Variants in CDKL1 observed in about 807,000 individuals in gnomAD.
CDKL1 encodes the protein cyclin-dependent kinase-like 1.
A neutral mutation model predicts 42.0 loss-of-function variants in CDKL1; 41 were observed. That is an observed-to-expected ratio of 0.98 (90% CI 0.76 to 1.27). The LOEUF is 1.27. Ranked by LOEUF, CDKL1 falls within the 50% of genes most tolerant of loss-of-function variation. The pLI is 0.00. For missense variants in CDKL1, 394 were observed against 428.4 expected (o/e 0.92, Z 0.71); for synonymous variants, 153 against 158.6 (o/e 0.96, Z 0.26).
At chr14:50,343,290 C>A (rs2033618322) in intron 4 of CDKL1, among the ~76,000 whole-genome samples, 1 of 151,540 alleles carries the variant, frequency 6.6e-6, no homozygotes. Flanking sequence ...CTTTGGCCTG[C>A]AGCCTGAAAC....
chr14:50,379,273 G>C (rs1852196322), intron 2 of CDKL1, among the ~76,000 whole-genome samples: 1 of 152,108 alleles, frequency 6.6e-6, no homozygotes, highest in African/African-American at 2.4e-5. Context: ...CTCAAGGAGG[G>C]GGAAATATTA....
At chr14:50,363,999 C>T (rs1436243713) in intron 2 of CDKL1, 5 of 152,388 alleles carry the variant, frequency 3.3e-5, no homozygotes, top group South Asian at 2.1e-4. Context: ...ATTCAGCTTC[C>T]TCTGCTCCAC....
intron 2 of CDKL1, chr14:50,377,672 C>G: frequency 1.5e-6 from 2 of 1,346,158 alleles, no homozygotes; most frequent in Non-Finnish European, 2.0e-6. Flanking sequence ...TGTAGCAACA[C>G]AGTCACTAAG....
chr14:50,336,074 T>A, intron 7 of CDKL1: 1 of 1,366,436 alleles, frequency 7.3e-7, no homozygotes. Flanking sequence ...GTGCCATTGC[T>A]ATATCATCGA....
At chr14:50,393,047 T>G (rs962011688) in intron 2 of CDKL1, among the ~76,000 whole-genome samples, 1 of 152,226 alleles carries the variant, frequency 6.6e-6, no homozygotes, top group African/African-American at 2.4e-5. Flanking sequence ...GCTAAGACAC[T>G]GGGTTATTAC....
chr14:50,381,643 G>A (rs1368845383), intron 2 of CDKL1, among the ~76,000 whole-genome samples: 2 of 152,188 alleles, frequency 1.3e-5, no homozygotes, highest in Non-Finnish European at 2.9e-5. Context: ...AATGAAAAAT[G>A]GCACTGACAC....
In CDKL1 at chr14:50,337,747, C is replaced by G. The variant is rs145385893; in HGVS notation, c.738+1200G>C. On this transcript the variant is annotated intron_variant, in intron 7 of 9. Transcript: ENST00000395834. Reference sequence around the variant, plus strand: ...GTCGCCCAGGCTAGAGTGCAGCGATCTCAGGTCACTGCGGCCTCAACTTCC... The same window carrying G: ...GTCGCCCAGGCTAGAGTGCAGCGATGTCAGGTCACTGCGGCCTCAACTTCC... Among the ~76,000 whole-genome samples the G allele has an allele frequency of 2.4e-3, 349 of 146,074 alleles. 1 individual carries two copies. In the Middle Eastern group the frequency reaches 0.073, roughly 30 times the overall value.
At chr14:50,386,662 T>G (rs554139033) in intron 2 of CDKL1, among the ~76,000 whole-genome samples, 4 of 152,236 alleles carry the variant, frequency 2.6e-5, no homozygotes, top group Admixed American at 1.3e-4. Context: ...TTGGGGGTCA[T>G]GCCTGTAAAC....
chr14:50,332,555 AAC>A lies in CDKL1; in HGVS notation c.796-125_796-124del, dbSNP rs113318250. On this transcript the variant is annotated intron_variant, in intron 8 of 9. Transcript: ENST00000395834. ...AATAAGAAGGGGGAAAAGGCAGGAA[AAC>A]ACACCAGTCATGATTTTAGTTCCTT... is the stretch of plus-strand genomic sequence containing the variant. 188 of 1,485,976 alleles carry A rather than the reference AAC, an allele frequency of 1.3e-4. No homozygotes were observed. The African/African-American group carries it at 2.1e-3, about 17-fold the overall frequency. The allele number at this position is 1,485,976 out of a possible 1,614,324, so 92.0% of individuals were successfully genotyped here.
chr14:50,369,311 T>A (rs867639465), intron 2 of CDKL1, among the ~76,000 whole-genome samples: 1 of 152,120 alleles, frequency 6.6e-6, no homozygotes, highest in Admixed American at 6.6e-5. Flanking sequence ...TAGACAAGGC[T>A]TGTATGCTTT....
In CDKL1 at chr14:50,337,250, C is replaced by T. The variant is rs572241619; in HGVS notation, c.738+1697G>A. 7.3e-5 allele frequency among the ~76,000 whole-genome samples: 11 copies of T among 151,268 alleles called. No individual in the cohort carries two copies. In the South Asian group the frequency reaches 2.3e-3, roughly 32 times the overall value. On this transcript the variant is annotated intron_variant, in intron 7 of 9. Transcript: ENST00000395834. ...TCTCGAACTCCTGGGCTCAAGCGAT[C>T]CACCTGCCTCGGCCTCCCAAAGTGC...
chr14:50,343,069 A>C, intron 4 of CDKL1: 2 of 1,305,442 alleles, frequency 1.5e-6, no homozygotes, highest in African/African-American at 3.1e-5. Context: ...CTTAGAGAAA[A>C]GAACGTTTGA....
At chr14:50,373,241 T>A (rs995582848) in intron 2 of CDKL1, among the ~76,000 whole-genome samples, 1 of 152,152 alleles carries the variant, frequency 6.6e-6, no homozygotes, top group African/African-American at 2.4e-5. Context: ...AGGGTTATAT[T>A]CCTAATATTA....
chr14:50,326,904 G>T lies in CDKL1; in HGVS notation c.*3170C>A. The T allele has an allele frequency of 2.3e-5, 5 of 221,962 alleles. No individual in the cohort carries two copies. The highest frequency in any genetic ancestry group is 3.8e-5 in the Non-Finnish European group (5 of 132,094). 13.7% of individuals were successfully genotyped at this position (221,962 alleles called of 1,614,324 possible). Reference sequence around the variant, plus strand: ...AAAATTTTAAAAATTAGGCAGGCATGGTGGTGCATACCTGTAATCTCAGAT... The same window carrying T: ...AAAATTTTAAAAATTAGGCAGGCATTGTGGTGCATACCTGTAATCTCAGAT... On this transcript the variant is annotated 3_prime_UTR_variant, in exon 10 of 10. Transcript: ENST00000395834.
At chr14:50,383,248 G>A (rs1454918716) in intron 2 of CDKL1, among the ~76,000 whole-genome samples, 12 of 151,396 alleles carry the variant, frequency 7.9e-5, no homozygotes, top group East Asian at 4.0e-4. Flanking sequence ...TTATAATAAC[G>A]ATATGTAATA....
intron 2 of CDKL1, among the ~76,000 whole-genome samples, chr14:50,394,972 A>G (rs2035356510): frequency 6.6e-6 from 1 of 152,190 alleles, no homozygotes; most frequent in South Asian, 2.1e-4. Flanking sequence ...TCCCATCTCT[A>G]AAAAATGTTA....
chr14:50,328,828 A>G lies in CDKL1; in HGVS notation c.*1246T>C, dbSNP rs1595233286. 1 of 151,992 alleles carries G rather than the reference A, an allele frequency of 6.6e-6. No homozygotes were observed. The highest frequency in any genetic ancestry group is 2.4e-5 in the African/African-American group (1 of 41,452). 9.4% of individuals were successfully genotyped at this position (151,992 alleles called of 1,614,324 possible). ...AACATGGCAAAACCCTGCCTCTACCAAAAAATACAAAAAAATTAGCCAGTA... is the reference window on the plus strand; with the variant it reads ...AACATGGCAAAACCCTGCCTCTACCGAAAAATACAAAAAAATTAGCCAGTA... On this transcript the variant is annotated 3_prime_UTR_variant, in exon 10 of 10. Transcript: ENST00000395834.
intron 2 of CDKL1, chr14:50,378,038 A>C: frequency 1.2e-6 from 1 of 806,460 alleles, no homozygotes; most frequent in Non-Finnish European, 1.7e-6. Context: ...ATGGTGAGAA[A>C]AGAGAATCAT....
At chr14:50,330,340 G>T in intron 9 of CDKL1, 159 bp from the exon 10 acceptor site, 1 of 852,028 alleles carries the variant, frequency 1.2e-6, no homozygotes, top group Non-Finnish European at 1.7e-6. Flanking sequence ...TTTCAATTTC[G>T]TCTTGGCTTT....
Sources: gnomAD v4.1 joint callset for allele counts (sites outside exome capture counted in the v4.1 genomes callset) on GRCh38, gnomAD v4.1.1 for gene constraint, MANE v1.5 for transcripts, NCBI Gene and HGNC (gene_info 2026-07-23, HGNC 2026-07-21) for gene names.